TBC1D22A: variants seen among roughly 807,000 people sequenced by gnomAD.
The protein encoded by TBC1D22A is TBC1 domain family member 22A.
Under a neutral mutation model 60.2 loss-of-function variants are expected in TBC1D22A, and 38 were observed. The ratio of observed to expected loss-of-function variants is 0.63; its 90% CI spans 0.49 to 0.83. The LOEUF (loss-of-function observed/expected upper bound fraction) is 0.83. Ranked by LOEUF, TBC1D22A falls within the 40% of genes least tolerant of loss-of-function variation. The pLI is 0.00. For synonymous variants in TBC1D22A, 302 were observed against 281.7 expected, an observed-to-expected ratio of 1.07 and a Z score of -0.72; for missense variants, 628 against 701.0, an observed-to-expected ratio of 0.90 and a Z score of 1.18.
chr22:47,083,583 C>T lies in TBC1D22A; in HGVS notation c.1330-27925C>T, dbSNP rs73473672. ...GAGGGCGCCGTCCTCAGTGAGGCTG[C>T]GTTGGGAGCAACTCCTGCCCAGCCC... On this transcript the variant is annotated intron_variant, in intron 11 of 12. Transcript: ENST00000337137. 7.7e-3 allele frequency among the ~76,000 whole-genome samples: 1,169 copies of T among 152,264 alleles called. 10 individuals are homozygous for T. The highest frequency in any genetic ancestry group is 0.027 in the African/African-American group (1,109 of 41,544).
At chr22:46,967,280 T>C (rs528318524) in intron 8 of TBC1D22A, among the ~76,000 whole-genome samples, 4 of 152,354 alleles carry the variant, frequency 2.6e-5, no homozygotes, top group South Asian at 2.1e-4. Context: ...TGAGTTGTTA[T>C]GCCACTCTCA....
chr22:46,769,329 T>C (rs1166895837), intron 1 of TBC1D22A, among the ~76,000 whole-genome samples: 2 of 152,204 alleles, frequency 1.3e-5, no homozygotes, highest in African/African-American at 4.8e-5. Flanking sequence ...CTGTTGGGGA[T>C]AATGAATTCA....
Position 47,132,602 on chromosome 22 carries a change from C to T in TBC1D22A, c.1425+20999C>T, listed in dbSNP as rs79343826. ...GAGCTGCCTCCTTGCCTGGGTCCTG[C>T]TTCTCCCCAGTGCGAGTGGCCTTTC... On this transcript the variant is annotated intron_variant, in intron 12 of 12. Transcript: ENST00000337137. 4.1e-3 allele frequency among the ~76,000 whole-genome samples: 625 copies of T among 152,370 alleles called. 4 individuals carry two copies. Among genetic ancestry groups the T allele is most frequent in the African/African-American group, 0.011 (455 of 41,596 alleles).
In TBC1D22A at chr22:47,009,333, C is replaced by T. The variant is rs563146224; in HGVS notation, c.1201+11624C>T. Reference sequence around the variant, plus strand: ...ACCACCATCATGTCATCATCACCATCATTATGTCATCACCACCATCATCAT... The same window carrying T: ...ACCACCATCATGTCATCATCACCATTATTATGTCATCACCACCATCATCAT... On this transcript the variant is annotated intron_variant, in intron 10 of 12. Transcript: ENST00000337137. This position sits in a 1 kb window ranked among gnomAD's most constrained non-coding sequence, Gnocchi z 5.8. Among the ~76,000 whole-genome samples the T allele has an allele frequency of 7.4e-4, 113 of 151,800 alleles. No individual in the cohort carries two copies. Among genetic ancestry groups the T allele is most frequent in the Middle Eastern group, 3.2e-3 (1 of 316 alleles).
chr22:47,109,151 A>T (rs752798555), intron 11 of TBC1D22A, among the ~76,000 whole-genome samples: 3 of 152,232 alleles, frequency 2.0e-5, no homozygotes, highest in Non-Finnish European at 2.9e-5. Context: ...GTTAGAGGTC[A>T]TAAGTATTTG....
chr22:46,883,892 A>G (rs1450059681), intron 5 of TBC1D22A, among the ~76,000 whole-genome samples: 1 of 152,158 alleles, frequency 6.6e-6, no homozygotes, highest in Non-Finnish European at 1.5e-5. Flanking sequence ...CTCCACTATC[A>G]AAACCAAACC....
intron 12 of TBC1D22A, among the ~76,000 whole-genome samples, chr22:47,143,204 C>T (rs1601655501): frequency 6.6e-6 from 1 of 152,192 alleles, no homozygotes; most frequent in Admixed American, 6.5e-5. Flanking sequence ...GGAGCCACCC[C>T]TGTCCCCACC....
At chr22:46,915,193 G>A (rs2070268520) in intron 8 of TBC1D22A, 1 of 352,158 alleles carries the variant, frequency 2.8e-6, no homozygotes, top group South Asian at 2.2e-5. Flanking sequence ...ATTCATTCTG[G>A]CAGCTGCGTG....
chr22:46,852,743 C>T (rs1000663765), intron 4 of TBC1D22A, among the ~76,000 whole-genome samples: 2 of 152,158 alleles, frequency 1.3e-5, no homozygotes, highest in Non-Finnish European at 2.9e-5. Flanking sequence ...CTTGAGCCTC[C>T]GTCTGAGCTC....
chr22:46,927,041 C>T (rs5769258), intron 8 of TBC1D22A, among the ~76,000 whole-genome samples: 84,419 of 152,046 alleles, frequency 0.56, 24,360 homozygotes, highest in East Asian at 0.72. Context: ...AGAATTAACA[C>T]TCTTTCTTCA....
intron 5 of TBC1D22A, among the ~76,000 whole-genome samples, chr22:46,882,385 CG>C (rs1214769950): frequency 1.3e-5 from 2 of 152,124 alleles, no homozygotes; most frequent in Non-Finnish European, 2.9e-5. Flanking sequence ...ACTGTTACGT[CG>C]GTTCTTGGGG....
At chr22:46,976,969 G>A (rs2074323627) in intron 9 of TBC1D22A, among the ~76,000 whole-genome samples, 1 of 152,186 alleles carries the variant, frequency 6.6e-6, no homozygotes, top group Admixed American at 6.5e-5. Flanking sequence ...CAGTCCCCAT[G>A]GGAATGAATG....
chr22:46,933,842 G>C (rs2071492636), intron 8 of TBC1D22A, among the ~76,000 whole-genome samples: 1 of 152,210 alleles, frequency 6.6e-6, no homozygotes, highest in East Asian at 1.9e-4. Context: ...TTCTGGTCTT[G>C]GGAAACACAG....
chr22:46,814,032 T>C (rs539026929), intron 4 of TBC1D22A, among the ~76,000 whole-genome samples: 1 of 152,352 alleles, frequency 6.6e-6, no homozygotes, highest in East Asian at 1.9e-4. Context: ...TCCGCAGCCC[T>C]TGCATAGTCA....
chr22:47,037,333 A>G, intron 11 of TBC1D22A, 135 bp downstream of exon 11: 1 of 1,310,178 alleles, frequency 7.6e-7, no homozygotes, highest in Non-Finnish European at 1.0e-6. Flanking sequence ...TGCGGTCTTT[A>G]AAAAGTATAC....
At chr22:46,781,397 A>G (rs1280154033) in intron 1 of TBC1D22A, among the ~76,000 whole-genome samples, 1 of 151,974 alleles carries the variant, frequency 6.6e-6, no homozygotes, top group East Asian at 1.9e-4. Context: ...GCTGGTCTTG[A>G]ACTCCTGGAC....
intron 8 of TBC1D22A, among the ~76,000 whole-genome samples, chr22:46,964,145 G>A (rs2073683608): frequency 6.6e-6 from 1 of 152,220 alleles, no homozygotes; most frequent in African/African-American, 2.4e-5. Context: ...TGGAGCCTTG[G>A]TTTCATGCTG....
At chr22:46,846,250 G>A (rs2086986462) in intron 4 of TBC1D22A, among the ~76,000 whole-genome samples, 1 of 152,242 alleles carries the variant, frequency 6.6e-6, no homozygotes, top group Admixed American at 6.5e-5. Flanking sequence ...AATAGCTGTT[G>A]TGATCTTTCA....
At chr22:46,767,480 A>G (rs1349395259) in intron 1 of TBC1D22A, among the ~76,000 whole-genome samples, 1 of 152,262 alleles carries the variant, frequency 6.6e-6, no homozygotes, top group Non-Finnish European at 1.5e-5. Flanking sequence ...AGTATGTGTT[A>G]GGAACAGCCC....
Sources: gnomAD v4.1 joint callset for allele counts (sites outside exome capture counted in the v4.1 genomes callset) on GRCh38, gnomAD v4.1.1 for gene constraint, Gnocchi (gnomAD v3.1) non-coding constraint, MANE v1.5 for transcripts, NCBI Gene and HGNC (gene_info 2026-07-23, HGNC 2026-07-21) for gene names.